SRGAP3: variants seen among roughly 807,000 people sequenced by gnomAD.
SRGAP3 encodes SLIT-ROBO Rho GTPase-activating protein 3.
SRGAP3 carries 39 observed loss-of-function variants against 121.1 expected under a neutral mutation model. That is an observed-to-expected ratio of 0.32 (90% confidence interval 0.25 to 0.42). The LOEUF (loss-of-function observed/expected upper bound fraction) is 0.42. SRGAP3 is among the 10% of genes least tolerant of loss of function. The pLI, the probability that SRGAP3 is intolerant of heterozygous loss-of-function variation, is 1.00. For synonymous variants in SRGAP3, 601 were observed against 570.0 expected (o/e 1.05, Z -0.77); for missense variants, 1,213 against 1,470.6 (o/e 0.82, Z 2.86).
At chr3:9,068,517 C>T (rs1466291804) in intron 4 of SRGAP3, among the ~76,000 whole-genome samples, 5 of 152,142 alleles carry the variant, frequency 3.3e-5, no homozygotes, top group East Asian at 3.9e-4. Context: ...GTGATCTACT[C>T]GATTCCTGAT....
intron 1 of SRGAP3, among the ~76,000 whole-genome samples, chr3:9,225,310 G>C (rs924352972): frequency 6.6e-6 from 1 of 152,166 alleles, no homozygotes; most frequent in Non-Finnish European, 1.5e-5. Flanking sequence ...TCAGGGCAAG[G>C]ATGGTCAGCA....
chr3:9,316,553 G>A (rs544336758), intron 3 of SRGAP3, among the ~76,000 whole-genome samples: 3 of 151,966 alleles, frequency 2.0e-5, no homozygotes, highest in South Asian at 2.1e-4. Context: ...CCAGCTACTC[G>A]GGAGGCTGAG....
chr3:9,188,807 A>G (rs1951673186), intron 1 of SRGAP3, among the ~76,000 whole-genome samples: 1 of 152,242 alleles, frequency 6.6e-6, no homozygotes. Context: ...GCATGATAAT[A>G]AATGCAAATA....
intron 1 of SRGAP3, among the ~76,000 whole-genome samples, chr3:9,170,933 G>A (rs1950955912): frequency 6.6e-6 from 1 of 152,238 alleles, no homozygotes; most frequent in African/African-American, 2.4e-5. Flanking sequence ...CCTGCTGGCA[G>A]AGCAAGGCCA....
intron 3 of SRGAP3, among the ~76,000 whole-genome samples, chr3:9,283,107 GT>G (rs970747334): frequency 6.6e-6 from 1 of 151,912 alleles, no homozygotes; most frequent in African/African-American, 2.4e-5. Flanking sequence ...TACCTGGCTA[GT>G]TTTTTCTATT....
At chr3:9,050,080 T>C (rs1457196259) in intron 9 of SRGAP3, among the ~76,000 whole-genome samples, 1 of 152,178 alleles carries the variant, frequency 6.6e-6, no homozygotes, top group Admixed American at 6.5e-5. Flanking sequence ...GCTCAAGCAA[T>C]CTGCACACCT....
At chr3:9,211,275 C>T (rs1952436829) in intron 1 of SRGAP3, among the ~76,000 whole-genome samples, 1 of 152,186 alleles carries the variant, frequency 6.6e-6, no homozygotes, top group Non-Finnish European at 1.5e-5. Flanking sequence ...GCTGAAGATA[C>T]CACATCTGGT....
intron 3 of SRGAP3, among the ~76,000 whole-genome samples, chr3:9,320,945 T>C (rs992167001): frequency 6.6e-6 from 1 of 151,912 alleles, no homozygotes; most frequent in Non-Finnish European, 1.5e-5. Context: ...ATGTAATATA[T>C]ACATTTTTTA....
At chr3:9,026,487 G>A (rs1944206578) in intron 13 of SRGAP3, among the ~76,000 whole-genome samples, 1 of 152,146 alleles carries the variant, frequency 6.6e-6, no homozygotes, top group Non-Finnish European at 1.5e-5. Flanking sequence ...GTGACACCAT[G>A]GTTAACAAAT....
chr3:9,325,962 C>T (rs1955511181), intron 3 of SRGAP3: 1 of 151,914 alleles, frequency 6.6e-6, no homozygotes, highest in East Asian at 1.9e-4. Context: ...CTGTTCACAA[C>T]AAGGATGCCA....
chr3:9,156,728 C>T (rs1374307542), intron 1 of SRGAP3, among the ~76,000 whole-genome samples: 3 of 152,062 alleles, frequency 2.0e-5, no homozygotes, highest in African/African-American at 7.2e-5. Flanking sequence ...GAGGCTTTGG[C>T]CCAGGAGTAG....
At chr3:9,006,935 C>T (rs1943108674) in intron 18 of SRGAP3, 1 of 149,282 alleles carries the variant, frequency 6.7e-6, no homozygotes, top group African/African-American at 2.5e-5. Flanking sequence ...GGAGACTAGG[C>T]ATCAGTTGGG....
chr3:9,052,980 C>A, intron 9 of SRGAP3, 47 bp downstream of exon 9: 1 of 1,603,912 alleles, frequency 6.2e-7, no homozygotes, highest in South Asian at 1.1e-5. Context: ...AAGTCACTGC[C>A]AGTGGCTTGG....
At chr3:9,352,343 A>G (rs1337616970) in intron 1 of SRGAP3, among the ~76,000 whole-genome samples, 1 of 143,762 alleles carries the variant, frequency 7.0e-6, no homozygotes, top group African/African-American at 2.6e-5. Context: ...GCACGATCTC[A>G]GCTCACTGCT....
chr3:9,312,948 T>C (rs1033265272), intron 3 of SRGAP3, among the ~76,000 whole-genome samples: 1 of 152,160 alleles, frequency 6.6e-6, no homozygotes, highest in Non-Finnish European at 1.5e-5. Flanking sequence ...GCTATGTTTG[T>C]GCCACTGCAC....
intron 1 of SRGAP3, among the ~76,000 whole-genome samples, chr3:9,164,511 A>C (rs973947494): frequency 6.6e-6 from 1 of 151,928 alleles, no homozygotes; most frequent in Admixed American, 6.6e-5. Flanking sequence ...GCTGGTCTCG[A>C]ACTCCTGACC....
Position 9,148,762 on chromosome 3 carries a change from T to C in SRGAP3, c.68-23845A>G, listed in dbSNP as rs527308050. Among the ~76,000 whole-genome samples, 363 of 152,314 alleles carry C rather than the reference T, an allele frequency of 2.4e-3. 2 individuals carry two copies. Among genetic ancestry groups the C allele is most frequent in the Middle Eastern group, 0.014 (4 of 294 alleles). On this transcript the variant is annotated intron_variant, in intron 1 of 21. Coordinates refer to ENST00000383836, the MANE Select transcript of SRGAP3 (RefSeq NM_014850.4). ...ACTACCCCATGCTCCTCCCCAGTTC[T>C]GGGGGCCAAGTGCTTCTGGAAGAGC...
At chr3:9,120,047 A>T (rs925529006) in intron 2 of SRGAP3, among the ~76,000 whole-genome samples, 3 of 152,202 alleles carry the variant, frequency 2.0e-5, no homozygotes, top group African/African-American at 7.2e-5. Flanking sequence ...TCCATAGTGT[A>T]TTTATTTCCA....
chr3:9,092,229 C>T (rs898997453), intron 3 of SRGAP3, among the ~76,000 whole-genome samples: 6 of 152,058 alleles, frequency 3.9e-5, no homozygotes, highest in African/African-American at 9.7e-5. Context: ...AAGGATACCT[C>T]GGAATGGTTA....
Sources: gnomAD v4.1 joint callset for allele counts (sites outside exome capture counted in the v4.1 genomes callset) on GRCh38, gnomAD v4.1.1 for gene constraint, MANE v1.5 for transcripts, NCBI Gene and HGNC (gene_info 2026-07-23, HGNC 2026-07-21) for gene names.